The following SYNE2 variants were observed in gnomAD, a reference collection of about 807,000 sequenced individuals.
SYNE2 encodes the protein nesprin-2.
In SYNE2, 431 loss-of-function variants were observed where a neutral mutation model predicts 856.3. The ratio of observed to expected loss-of-function variants is 0.50; its 90% CI spans 0.47 to 0.55. The LOEUF (loss-of-function observed/expected upper bound fraction) is 0.55. Among genes scored for constraint, SYNE2 ranks in the 20% least tolerant of loss-of-function variants. The pLI is 0.00. For missense variants in SYNE2, 8,129 were observed against 8,023.2 expected, an observed-to-expected ratio of 1.01 and a Z score of -0.50; for synonymous variants, 2,923 against 2,872.3, an observed-to-expected ratio of 1.02 and a Z score of -0.56.
intron 1 of SYNE2, among the ~76,000 whole-genome samples, chr14:63,903,780 T>A (rs1374437468): frequency 2.0e-5 from 3 of 151,636 alleles, no homozygotes; most frequent in Non-Finnish European, 4.4e-5. Context: ...TGATACCTTA[T>A]ATTTGATTAA....
chr14:64,121,254 C>T (rs1025773257), intron 68 of SYNE2, among the ~76,000 whole-genome samples, 193 bp downstream of exon 68: 9 of 152,098 alleles, frequency 5.9e-5, no homozygotes, highest in Non-Finnish European at 4.4e-5. Flanking sequence ...GGCACAGTAG[C>T]TCATGCCTGT....
chr14:63,813,098 T>C (rs1329499055), intron 1 of SYNE2, among the ~76,000 whole-genome samples: 1 of 152,208 alleles, frequency 6.6e-6, no homozygotes, highest in Non-Finnish European at 1.5e-5. Context: ...CTTGGCTTCC[T>C]AGCCTTCAGA....
chr14:64,024,209 C>T (rs1396088844), intron 38 of SYNE2, 48 bp from the exon 39 acceptor site: 1 of 1,571,674 alleles, frequency 6.4e-7, no homozygotes, highest in Non-Finnish European at 8.7e-7. Context: ...GCAGAGACCA[C>T]ATTCAGACTT....
intron 99 of SYNE2, chr14:64,190,771 C>T (rs1021731486): frequency 1.5e-6 from 1 of 658,266 alleles, no homozygotes; most frequent in African/African-American, 1.8e-5. Context: ...TTGGGCGCAG[C>T]CCAGTCCTAA....
In SYNE2 at chr14:63,834,643, CT is replaced by C. The variant is rs368369862; in HGVS notation, c.-304-17842del. Among the ~76,000 whole-genome samples the C allele has an allele frequency of 1.9e-3, 251 of 134,914 alleles. 1 individual carries two copies. Among genetic ancestry groups the C allele is most frequent in the South Asian group, 0.018 (75 of 4,238 alleles). The allele number at this position is 134,914 out of a possible 152,430, so 88.5% of individuals were successfully genotyped here. On this transcript the variant is annotated intron_variant, in intron 1 of 23. Transcript: ENST00000674003. ...GCATTTGTCCAATTTCTTTTTCTTT[CT>C]TTTTTTTTTTTTTTTGAGATAGAGT...
Position 63,978,912 on chromosome 14 carries a change from C to CTTA in SYNE2, c.1468_1470dup (p.Leu490dup). On this transcript the variant is annotated inframe_insertion, in exon 14 of 116. Transcript: ENST00000555002. ...TTCTAGAATTTCATTACTACAAGTG[C>CTTA]TTAGTTCTTGGTTTGGTAGATGAAG... is the stretch of plus-strand genomic sequence containing the variant. 2 of 1,612,524 alleles carry CTTA rather than the reference C, an allele frequency of 1.2e-6. No homozygotes were observed. The highest frequency in any genetic ancestry group is 1.7e-6 in the Non-Finnish European group (2 of 1,178,732).
At chr14:63,974,489 G>A (rs117573902) in intron 11 of SYNE2, among the ~76,000 whole-genome samples, 1,907 of 152,180 alleles carry the variant, frequency 0.013, 17 homozygotes, top group Non-Finnish European at 0.018. Flanking sequence ...CCGATACTGG[G>A]TATCAAACTT....
intron 96 of SYNE2, among the ~76,000 whole-genome samples, chr14:64,178,605 T>C (rs2098444947): frequency 6.6e-6 from 1 of 152,118 alleles, no homozygotes; most frequent in South Asian, 2.1e-4. Flanking sequence ...AGTACAGGCA[T>C]GCACCGCCAT....
At position 64,089,642 on chromosome 14, in the gene SYNE2, A is replaced by T. The variant is rs771456799; in HGVS notation, c.11739A>T (p.Leu3913=). ...GAGTTTCAAAAATCAAAACTATCCT[A>T]TTATCAAAAGAAATATTTGATTTTT... ...EKRVSKIKTI[L]LSKEIFDFSP... Residue 3913 remains leucine (L), a synonymous_variant, in exon 59 of 116, where the codon CTA becomes CTT. Coordinates refer to ENST00000555002, the MANE Select transcript of SYNE2 (RefSeq NM_182914.3). 6.2e-7 allele frequency: 1 copy of T among 1,603,310 alleles called. No homozygotes were observed. Among genetic ancestry groups the T allele is most frequent in the Middle Eastern group, 1.7e-4 (1 of 6,026 alleles).
intron 1 of SYNE2, among the ~76,000 whole-genome samples, chr14:63,846,043 CTT>C (rs556866404): frequency 8.8e-4 from 116 of 132,460 alleles, no homozygotes; most frequent in Middle Eastern, 4.5e-3. Flanking sequence ...CGTACCTGCC[CTT>C]TTTTTTTTTT....
intron 1 of SYNE2, chr14:63,762,050 G>T: frequency 2.0e-6 from 1 of 502,480 alleles, no homozygotes; most frequent in Non-Finnish European, 4.1e-6. Flanking sequence ...GACTCAGGAG[G>T]CGTTGGAAAG....
chr14:64,002,899 C>T lies in SYNE2; in HGVS notation c.3966C>T (p.Leu1322=). 1 of 1,614,140 alleles carries T rather than the reference C, an allele frequency of 6.2e-7. No individual in the cohort carries two copies. Among genetic ancestry groups the T allele is most frequent in the Non-Finnish European group, 8.5e-7 (1 of 1,180,014 alleles). The part of the protein sequence containing the change: ...NHRVQRSEDT[L]KALEDFLASL... ...GGGTGCAGAGGAGTGAAGATACTCT[C>T]AAAGCTCTGGAAGACTTTTTGGCGT... is the stretch of plus-strand genomic sequence containing the variant. The change falls in exon 30 of 116, where the codon CTC becomes CTT. Residue 1322 remains leucine (L), a synonymous_variant. Coordinates refer to ENST00000555002, the MANE Select transcript of SYNE2 (RefSeq NM_182914.3).
In SYNE2 at chr14:64,081,438, C is replaced by T; in HGVS notation, c.11347-5C>T. On this transcript the variant is annotated splice_polypyrimidine_tract_variant and splice_region_variant and intron_variant, in intron 56 of 115. Transcript: ENST00000555002. ...ACTAAGTTTGGTCCTGCATCTCTTT[C>T]CCAGGCCACAGTTAAGATGGAGGAA... The T allele has an allele frequency of 6.2e-7, 1 of 1,614,104 alleles. No individual in the cohort carries two copies. Among genetic ancestry groups the T allele is most frequent in the Non-Finnish European group, 8.5e-7 (1 of 1,180,004 alleles).
intron 1 of SYNE2, among the ~76,000 whole-genome samples, chr14:63,806,164 A>G (rs1174962920): frequency 1.3e-5 from 2 of 152,100 alleles, no homozygotes; most frequent in Non-Finnish European, 2.9e-5. Flanking sequence ...TCTAATGCCA[A>G]GTTTGTTGAG....
intron 101 of SYNE2, 166 bp downstream of exon 101, chr14:64,209,111 A>T: frequency 1.0e-6 from 1 of 998,794 alleles, no homozygotes; most frequent in Non-Finnish European, 1.5e-6. Context: ...GAAAAATGTA[A>T]CCGGAGTAAT....
intron 3 of SYNE2, 37 bp downstream of exon 3, chr14:63,940,712 T>C: frequency 1.3e-6 from 2 of 1,584,766 alleles, no homozygotes; most frequent in Non-Finnish European, 1.7e-6. Flanking sequence ...TATAAATCTA[T>C]TTATTACTCC....
At position 64,167,529 on chromosome 14, in the gene SYNE2, C is replaced by A. The variant is rs372061801; in HGVS notation, c.16795C>A (p.Leu5599Ile). The A allele has an allele frequency of 8.7e-6, 14 of 1,614,034 alleles. No individual in the cohort carries two copies. The highest frequency in any genetic ancestry group is 1.3e-5 in the African/African-American group (1 of 74,920). The change falls in exon 92 of 116, where the codon CTT becomes ATT. Residue 5599 changes from leucine (L) to isoleucine (I), a missense_variant. By Grantham distance (5) the Leu-to-Ile change is conservative. Coordinates refer to ENST00000555002, the MANE Select transcript of SYNE2 (RefSeq NM_182914.3). ...GGGAATTGGATTGAATGAAAAGTTT[C>A]TTTATTGCTGTGAAAAGTGGATCCA... ...LQGIGLNEKF[L>I]YCCEKWIQLL...
intron 11 of SYNE2, among the ~76,000 whole-genome samples, chr14:63,973,592 A>T (rs1461258713): frequency 6.8e-6 from 1 of 146,294 alleles, no homozygotes; most frequent in East Asian, 2.1e-4. Context: ...AGATTGCAGC[A>T]CTACACTCCA....
chr14:63,892,190 C>T (rs2095148055), intron 1 of SYNE2, among the ~76,000 whole-genome samples: 1 of 150,088 alleles, frequency 6.7e-6, no homozygotes, highest in South Asian at 2.2e-4. Flanking sequence ...AATGCTCGTG[C>T]AGTTATATTA....
Sources: gnomAD v4.1 joint callset for allele counts (sites outside exome capture counted in the v4.1 genomes callset) on GRCh38, gnomAD v4.1.1 for gene constraint, MANE v1.5 for transcripts, NCBI Gene and HGNC (gene_info 2026-07-23, HGNC 2026-07-21) for gene names.